Variants in FTCDNL1 observed in about 807,000 individuals in gnomAD.
The protein encoded by FTCDNL1 is formiminotransferase cyclodeaminase N-terminal like.
FTCDNL1 carries 11 observed loss-of-function variants against 5.9 expected under a neutral mutation model. The ratio of observed to expected loss-of-function variants is 1.87; its 90% CI spans 1.18 to 3.10. The LOEUF is 3.10. Among genes scored for constraint, FTCDNL1 ranks in the 30% most tolerant of loss-of-function variants. The probability of loss-of-function intolerance (pLI) is 0.00; values close to 1 mark genes in which losing one functional copy is unlikely to be tolerated. For synonymous variants in FTCDNL1, 58 were observed against 24.8 expected, an observed-to-expected ratio of 2.34 and a Z score of -3.99; for missense variants, 115 against 65.5, an observed-to-expected ratio of 1.76 and a Z score of -2.61.
chr2:199,789,132 A>G (rs746920337), intron 3 of FTCDNL1, among the ~76,000 whole-genome samples: 7 of 152,118 alleles, frequency 4.6e-5, no homozygotes, highest in Non-Finnish European at 8.8e-5. Context: ...AAAGTTCTTG[A>G]ATTTATTTTA....
At chr2:199,679,143 T>C in the FTCDNL1 span, among the ~76,000 whole-genome samples, 1 of 152,122 alleles carries the variant, frequency 6.6e-6, no homozygotes, top group Non-Finnish European at 1.5e-5. Flanking sequence ...TAATTTTAAT[T>C]TGGTTTGAAT....
intron 3 of FTCDNL1, among the ~76,000 whole-genome samples, chr2:199,801,261 A>C (rs946651449): frequency 1.1e-4 from 16 of 152,142 alleles, no homozygotes; most frequent in Non-Finnish European, 2.1e-4. Flanking sequence ...ACAAATATTC[A>C]CAACTCAACT....
the FTCDNL1 span, among the ~76,000 whole-genome samples, chr2:199,681,225 A>G: frequency 0.73 from 110,632 of 152,020 alleles, 41,158 homozygotes; most frequent in South Asian, 0.9. Context: ...AGGCTGAGGC[A>G]GGTGGATCAC....
intron 3 of FTCDNL1, among the ~76,000 whole-genome samples, chr2:199,773,093 T>C (rs538678486): frequency 1.3e-5 from 2 of 152,262 alleles, no homozygotes; most frequent in Admixed American, 6.5e-5. Context: ...AGGCTGGTAT[T>C]AATTGCTGCC....
the FTCDNL1 span, among the ~76,000 whole-genome samples, chr2:199,664,184 AACT>A: frequency 1.3e-5 from 2 of 152,206 alleles, no homozygotes; most frequent in East Asian, 1.9e-4. Context: ...TTCAAGATAA[AACT>A]ACATCTTCAA....
At chr2:199,832,862 T>C (rs1702464404) in intron 3 of FTCDNL1, among the ~76,000 whole-genome samples, 1 of 152,032 alleles carries the variant, frequency 6.6e-6, no homozygotes, top group African/African-American at 2.4e-5. Flanking sequence ...ATTTTACAGA[T>C]ACAAAAACTC....
the FTCDNL1 span, among the ~76,000 whole-genome samples, chr2:199,670,872 C>A: frequency 6.6e-6 from 1 of 152,110 alleles, no homozygotes; most frequent in Admixed American, 6.5e-5. Context: ...GGGGCCCAGT[C>A]CCCTCTTCTT....
At chr2:199,710,061 T>C in the FTCDNL1 span, among the ~76,000 whole-genome samples, 3 of 152,248 alleles carry the variant, frequency 2.0e-5, no homozygotes, top group East Asian at 5.8e-4. Flanking sequence ...CATAGACATA[T>C]ACAGAGTGGC....
chr2:199,675,859 TCC>T, the FTCDNL1 span, among the ~76,000 whole-genome samples: 1 of 152,164 alleles, frequency 6.6e-6, no homozygotes, highest in African/African-American at 2.4e-5. Flanking sequence ...TGAGGGATCC[TCC>T]CACCTTAGCC....
chr2:199,820,933 C>T (rs1202669171), intron 3 of FTCDNL1, among the ~76,000 whole-genome samples: 1 of 152,118 alleles, frequency 6.6e-6, no homozygotes, highest in Non-Finnish European at 1.5e-5. Context: ...TTATTTGTTC[C>T]GTATCACGGA....
the FTCDNL1 span, among the ~76,000 whole-genome samples, chr2:199,696,388 C>A: frequency 6.6e-6 from 1 of 152,204 alleles, no homozygotes; most frequent in Admixed American, 6.5e-5. Context: ...CAACCTCCCT[C>A]CCCCTGCCAT....
chr2:199,726,507 T>G, the FTCDNL1 span, among the ~76,000 whole-genome samples: 1 of 152,230 alleles, frequency 6.6e-6, no homozygotes, highest in African/African-American at 2.4e-5. Context: ...GCGCTGATTT[T>G]TTCTCATCTT....
At chr2:199,704,622 G>A in the FTCDNL1 span, among the ~76,000 whole-genome samples, 1 of 152,120 alleles carries the variant, frequency 6.6e-6, no homozygotes, top group Non-Finnish European at 1.5e-5. Flanking sequence ...TGGATAAATG[G>A]GAAGGGAGAA....
chr2:199,846,613 ACCAATTAGTG>A, intron 2 of FTCDNL1, among the ~76,000 whole-genome samples: 1 of 152,308 alleles, frequency 6.6e-6, no homozygotes, highest in East Asian at 1.9e-4. Flanking sequence ...ACTAGAATAG[ACCAATTAGTG>A]CCCAGAGCAG....
chr2:199,765,609 G>A (rs1475758107), intron 3 of FTCDNL1, among the ~76,000 whole-genome samples: 1 of 137,086 alleles, frequency 7.3e-6, no homozygotes. Flanking sequence ...GTGCAGGGGC[G>A]TGATCTCAGC....
At chr2:199,843,473 G>A (rs189849225) in intron 3 of FTCDNL1, among the ~76,000 whole-genome samples, 120 of 152,080 alleles carry the variant, frequency 7.9e-4, no homozygotes, top group African/African-American at 2.6e-3. Context: ...TGGATAAAAC[G>A]TAAAGCAAGT....
intron 3 of FTCDNL1, among the ~76,000 whole-genome samples, chr2:199,830,572 C>T (rs1702304340): frequency 6.6e-6 from 1 of 152,190 alleles, no homozygotes; most frequent in Non-Finnish European, 1.5e-5. Flanking sequence ...ATATGCTCTG[C>T]TTTGAAGTGT....
intron 3 of FTCDNL1, among the ~76,000 whole-genome samples, chr2:199,836,724 C>T (rs569512963): frequency 6.6e-6 from 1 of 152,202 alleles, no homozygotes; most frequent in East Asian, 1.9e-4. Flanking sequence ...CACAATCATG[C>T]CACTGCACTC....
the FTCDNL1 span, among the ~76,000 whole-genome samples, chr2:199,754,285 A>G: frequency 5.3e-5 from 8 of 152,000 alleles, no homozygotes; most frequent in African/African-American, 1.7e-4. Context: ...TCATGGGAGG[A>G]GCGGAAGGAA....
Sources: allele counts gnomAD v4.1 joint callset (sites outside exome capture counted in the v4.1 genomes callset), GRCh38; gene constraint gnomAD v4.1.1; transcripts MANE v1.5; gene names NCBI Gene and HGNC (gene_info 2026-07-23, HGNC 2026-07-21).